The following ZNF16 variants were observed in gnomAD, a reference collection of about 807,000 sequenced individuals.
The protein encoded by ZNF16 is zinc finger protein KOX9.
Under a neutral mutation model 9.0 loss-of-function variants are expected in ZNF16, and 7 were observed. That is an observed-to-expected ratio of 0.78 (90% CI 0.44 to 1.47). The LOEUF (loss-of-function observed/expected upper bound fraction) is 1.47, where lower values mean the gene tolerates loss of function less well. Ranked by LOEUF, ZNF16 falls within the 40% of genes most tolerant of loss-of-function variation. ZNF16 has a pLI of 0.01. For missense variants in ZNF16, 830 were observed against 854.2 expected (o/e 0.97, Z 0.35); for synonymous variants, 312 against 301.5 (o/e 1.03, Z -0.36).
intron 2 of ZNF16, among the ~76,000 whole-genome samples, chr8:144,939,663 T>G (rs1833759071): frequency 6.6e-6 from 1 of 151,648 alleles, no homozygotes; most frequent in Non-Finnish European, 1.5e-5. Context: ...GAGTTTTTAT[T>G]ACTAACTCAA....
intron 2 of ZNF16, chr8:144,945,783 G>A: frequency 1.2e-6 from 1 of 807,470 alleles, no homozygotes; most frequent in Non-Finnish European, 1.8e-6. Flanking sequence ...TGGCCATCAT[G>A]TCATACCTCT....
chr8:144,931,246 T>C lies in ZNF16; in HGVS notation c.1541A>G (p.Asp514Gly), dbSNP rs1461154409. 1 of 1,613,896 alleles carries C rather than the reference T, an allele frequency of 6.2e-7. No homozygotes were observed. The highest frequency in any genetic ancestry group is 8.5e-7 in the Non-Finnish European group (1 of 1,179,968). The change falls in exon 3 of 3, where the codon GAC becomes GGC. Residue 514 changes from aspartate (D) to glycine (G), a missense_variant. Transcript: ENST00000394909. ...ACACTCGTGGCAGGCGTAGGGCTTG[T>C]CGCCTGTGTGCACGCCCTGGTGCTG... ...LIQHQGVHTG[D>G]KPYACHECGK...
At chr8:144,946,613 T>TGTCCTGCTGTGGGCCC (rs1833945472) in intron 1 of ZNF16, among the ~76,000 whole-genome samples, 6 of 95,458 alleles carry the variant, frequency 6.3e-5, no homozygotes, top group African/African-American at 1.9e-4. Context: ...CTGTTGGGCT[T>TGTCCTGCTGTGGGCCC]GTGTCCTGCT....
At position 144,936,580 on chromosome 8, in the gene ZNF16, T is replaced by C. The variant is rs76735807; in HGVS notation, c.197-3990A>G. Among the ~76,000 whole-genome samples the C allele has an allele frequency of 6.7e-4, 102 of 152,342 alleles. 2 individuals are homozygous for C. The East Asian group carries it at 0.011, about 16-fold the overall frequency. ...GTTTTTTTGATTATAGACATCCTAA[T>C]GAATGTGAAATAGTAATCTCATTAT... On this transcript the variant is annotated intron_variant, in intron 2 of 2. Coordinates refer to ENST00000394909, the MANE Select transcript of ZNF16 (RefSeq NM_006958.3).
intron 1 of ZNF16, among the ~76,000 whole-genome samples, chr8:144,947,352 T>TTGTGGGGCCTGTATCCTGC (rs954678628): frequency 3.3e-4 from 42 of 128,084 alleles, no homozygotes; most frequent in Non-Finnish European, 1.1e-4. Context: ...CTGTGTCCTG[T>TTGTGGGGCCTGTATCCTGC]TGTGGGGCCT....
At chr8:144,937,646 G>A (rs900030986) in intron 2 of ZNF16, among the ~76,000 whole-genome samples, 1 of 152,076 alleles carries the variant, frequency 6.6e-6, no homozygotes, top group Admixed American at 6.6e-5. Flanking sequence ...TCTATTTGGA[G>A]TTAATTTTTG....
In ZNF16 at chr8:144,932,008, A is replaced by G. The variant is rs368204500; in HGVS notation, c.779T>C (p.Met260Thr). 5.0e-6 allele frequency: 8 copies of G among 1,614,026 alleles called. No homozygotes were observed. In the African/African-American group the frequency reaches 8.0e-5, roughly 16 times the overall value. ...GCTGCACTGGTAAGCTTTCTCACTC[A>G]TATGAGATCGATGACGGTTTTTAAG... is the stretch of plus-strand genomic sequence containing the variant. The part of the protein sequence containing the change: ...SVLKNRHRSH[M>T]SEKAYQCSEC... Residue 260 changes from methionine (M) to threonine (T), a missense_variant, in exon 3 of 3, where the codon ATG becomes ACG. Coordinates refer to ENST00000394909, the MANE Select transcript of ZNF16 (RefSeq NM_006958.3). This position sits in a 1 kb window ranked among gnomAD's most constrained non-coding sequence, Gnocchi z 5.0.
In ZNF16 at chr8:144,930,618, G is replaced by T; in HGVS notation, c.*120C>A. 8.8e-7 allele frequency: 1 copy of T among 1,141,108 alleles called. No individual in the cohort carries two copies. The highest frequency in any genetic ancestry group is 1.5e-5 in the African/African-American group (1 of 64,760). 70.7% of individuals were successfully genotyped at this position (1,141,108 alleles called of 1,614,324 possible). Reference sequence around the variant, plus strand: ...AGGGTCCCAGGCTATGTGGCCACTGGATGTAGGCAGTGAGCTGAGTCCAGG... The same window carrying T: ...AGGGTCCCAGGCTATGTGGCCACTGTATGTAGGCAGTGAGCTGAGTCCAGG... On this transcript the variant is annotated 3_prime_UTR_variant, in exon 3 of 3. Transcript: ENST00000394909.
intron 2 of ZNF16, among the ~76,000 whole-genome samples, chr8:144,935,429 C>A (rs946385964): frequency 6.6e-6 from 1 of 152,166 alleles, no homozygotes; most frequent in Non-Finnish European, 1.5e-5. Flanking sequence ...TGGTCTCGAA[C>A]TCCTGACCTC....
At chr8:144,941,915 C>G (rs1196693715) in intron 2 of ZNF16, among the ~76,000 whole-genome samples, 5 of 151,214 alleles carry the variant, frequency 3.3e-5, no homozygotes, top group African/African-American at 1.2e-4. Flanking sequence ...ACCTCAGCCC[C>G]CAAAGTGCTG....
chr8:144,945,755 C>A, intron 2 of ZNF16: 2 of 551,706 alleles, frequency 3.6e-6, no homozygotes, highest in South Asian at 3.2e-5. Flanking sequence ...GAGTATAGGG[C>A]AAATCAAAGG....
intron 2 of ZNF16, among the ~76,000 whole-genome samples, chr8:144,942,625 T>C (rs533243713): frequency 8.3e-4 from 126 of 152,296 alleles, no homozygotes; most frequent in Non-Finnish European, 1.4e-3. Flanking sequence ...ACCATGATGA[T>C]TGCAATGAAC....
Position 144,943,145 on chromosome 8 carries a change from C to T in ZNF16, c.196+2866G>A, listed in dbSNP as rs10107728. Among the ~76,000 whole-genome samples, 463 of 152,006 alleles carry T rather than the reference C, an allele frequency of 3.0e-3. 3 individuals carry two copies. Among genetic ancestry groups the T allele is most frequent in the African/African-American group, 0.011 (450 of 41,464 alleles). On this transcript the variant is annotated intron_variant, in intron 2 of 2. Transcript: ENST00000394909. ...AATTCTTAGTTGACAGGTTTTTTTCCCCCTCTTAGCAGTTTAACTAAGCCG... is the reference window on the plus strand; with the variant it reads ...AATTCTTAGTTGACAGGTTTTTTTCTCCCTCTTAGCAGTTTAACTAAGCCG...
At position 144,936,322 on chromosome 8, in the gene ZNF16, C is replaced by T. The variant is rs528619165; in HGVS notation, c.197-3732G>A. On this transcript the variant is annotated intron_variant, in intron 2 of 2. Transcript: ENST00000394909. ...AATTAATCATTCATCCATTGACAGACATCTGGGCTGTTTGTACCTTTTGGC... is the reference window on the plus strand; with the variant it reads ...AATTAATCATTCATCCATTGACAGATATCTGGGCTGTTTGTACCTTTTGGC... Among the ~76,000 whole-genome samples the T allele has an allele frequency of 1.1e-4, 16 of 152,330 alleles. 1 individual carries two copies. In the South Asian group the frequency reaches 3.1e-3, roughly 30 times the overall value.
rs768719469 is a variant in ZNF16, at chr8:144,946,089, G to C, written c.118C>G (p.Pro40Ala). The C allele has an allele frequency of 6.2e-7, 1 of 1,613,156 alleles. No homozygotes were observed. The highest frequency in any genetic ancestry group is 8.5e-7 in the Non-Finnish European group (1 of 1,179,344). The change falls in exon 2 of 3, where the codon CCT becomes GCT. Residue 40 changes from proline (P) to alanine (A), a missense_variant. Pro to Ala is a conservative substitution (Grantham distance 27, BLOSUM62 -1). Coordinates refer to ENST00000394909, the MANE Select transcript of ZNF16 (RefSeq NM_006958.3). Reference protein sequence around the residue: ...RVRDAPAVTHPGSAACGTPCC... With the variant: ...RVRDAPAVTHAGSAACGTPCC... ...GGGGTACCACAGGCTGCAGATCCAG[G>C]GTGGGTCACAGCAGGAGCATCTCTC...
chr8:144,937,140 TCTC>T (rs759236480), intron 2 of ZNF16, among the ~76,000 whole-genome samples: 4,518 of 99,484 alleles, frequency 0.045, 169 homozygotes, highest in Middle Eastern at 0.078. Flanking sequence ...TTTCTTTCTC[TCTC>T]TTTTTTTTTT....
chr8:144,931,469 T>C lies in ZNF16; in HGVS notation c.1318A>G (p.Lys440Glu), dbSNP rs1833538140. 1 of 1,614,140 alleles carries C rather than the reference T, an allele frequency of 6.2e-7. No homozygotes were observed. The highest frequency in any genetic ancestry group is 8.5e-7 in the Non-Finnish European group (1 of 1,180,024). ...AGGCTGGAGCTCTGACTAAATGCTT[T>C]CCCACAGTCACTGCACTTATAGGGC... is the stretch of plus-strand genomic sequence containing the variant. ...EKPYKCSDCG[K>E]AFSQSSSLIQ... Residue 440 changes from lysine (K) to glutamate (E), a missense_variant, in exon 3 of 3, where the codon AAA becomes GAA. Lys to Glu is a moderately conservative substitution (Grantham distance 56). Transcript: ENST00000394909.
In ZNF16 at chr8:144,931,598, T is replaced by C; in HGVS notation, c.1189A>G (p.Arg397Gly). 1.9e-6 allele frequency: 3 copies of C among 1,614,118 alleles called. No individual in the cohort carries two copies. Among genetic ancestry groups the C allele is most frequent in the Non-Finnish European group, 2.5e-6 (3 of 1,180,030 alleles). ...SQSAHLRKHQ[R>G]VHTGEKPYEC... Reference sequence around the variant, plus strand: ...TAAGGCTTCTCTCCAGTGTGGACCCTCTGGTGCTTCCTCAGGTGTGCACTC... The same window carrying C: ...TAAGGCTTCTCTCCAGTGTGGACCCCCTGGTGCTTCCTCAGGTGTGCACTC... The change falls in exon 3 of 3, where the codon AGG becomes GGG. Residue 397 changes from arginine to glycine, a missense_variant. Arg to Gly is a moderately radical substitution (Grantham distance 125). Transcript: ENST00000394909.
chr8:144,934,586 C>T (rs956245971), intron 2 of ZNF16, among the ~76,000 whole-genome samples: 1 of 152,226 alleles, frequency 6.6e-6, no homozygotes, highest in African/African-American at 2.4e-5. Context: ...GCTGCTGGGA[C>T]AGGTGAGGTC....
Sources: allele counts gnomAD v4.1 joint callset (sites outside exome capture counted in the v4.1 genomes callset), GRCh38; gene constraint gnomAD v4.1.1; non-coding constraint Gnocchi (gnomAD v3.1); transcripts MANE v1.5; gene names NCBI Gene and HGNC (gene_info 2026-07-23, HGNC 2026-07-21).